BSDC1: variants seen among roughly 807,000 people sequenced by gnomAD.
The protein encoded by BSDC1 is BSD domain-containing protein 1.
A neutral mutation model predicts 56.0 loss-of-function variants in BSDC1; 29 were observed. The ratio of observed to expected loss-of-function variants is 0.52; its 90% CI spans 0.39 to 0.71. BSDC1 has a LOEUF of 0.71. BSDC1 is among the 30% of genes least tolerant of loss of function. The probability of loss-of-function intolerance (pLI) is 0.00; values close to 1 mark genes in which losing one functional copy is unlikely to be tolerated. For missense variants in BSDC1, 477 were observed against 548.5 expected, an observed-to-expected ratio of 0.87 and a Z score of 1.30; for synonymous variants, 210 against 215.3, an observed-to-expected ratio of 0.98 and a Z score of 0.21.
In BSDC1 at chr1:32,369,101, C is replaced by T. The variant is rs760952853; in HGVS notation, c.1157-551G>A. On this transcript the variant is annotated intron_variant, in intron 9 of 10. Coordinates refer to ENST00000455895, the MANE Select transcript of BSDC1 (RefSeq NM_018045.8). Reference sequence around the variant, plus strand: ...TGTCATAGTGATGGAAACCTAGAAACAATCTGAAAGCCCACTGACAGGGAA... The same window carrying T: ...TGTCATAGTGATGGAAACCTAGAAATAATCTGAAAGCCCACTGACAGGGAA... The T allele has an allele frequency of 7.6e-6, 3 of 395,294 alleles. No homozygotes were observed. The Admixed American group carries it at 1.2e-4, about 15-fold the overall frequency. The allele number at this position is 395,294 out of a possible 1,614,324, so 24.5% of individuals were successfully genotyped here.
chr1:32,368,558 C>T lies in BSDC1; in HGVS notation c.1157-8G>A. 1.2e-6 allele frequency: 2 copies of T among 1,614,078 alleles called. No individual in the cohort carries two copies. Among genetic ancestry groups the T allele is most frequent in the Admixed American group, 1.7e-5 (1 of 60,016 alleles). ...TGATGTCCGTGCTTGAGCCTGGAAC[C>T]ACGAGCCACAGTGTGAAAAGCAGGA... On this transcript the variant is annotated splice_polypyrimidine_tract_variant and splice_region_variant and intron_variant, in intron 9 of 10. Coordinates refer to ENST00000455895, the MANE Select transcript of BSDC1 (RefSeq NM_018045.8).
intron 9 of BSDC1, among the ~76,000 whole-genome samples, chr1:32,370,718 C>T (rs544208263): frequency 8.1e-4 from 118 of 145,604 alleles, no homozygotes; most frequent in African/African-American, 3.0e-3. Flanking sequence ...GCAGAAGAAT[C>T]GCTTGAACCC....
At position 32,366,480 on chromosome 1, in the gene BSDC1, AG is replaced by A. The variant is rs1365096073; in HGVS notation, c.*141del. The stretch of plus-strand genomic sequence containing the variant: ...TGAGCAGAGGCCCAAGAGGGCCAGC[AG>A]GGAGCCACCAGAATCTGTGCCCAGA... On this transcript the variant is annotated 3_prime_UTR_variant, in exon 11 of 11. Coordinates refer to ENST00000455895, the MANE Select transcript of BSDC1 (RefSeq NM_018045.8). 1.2e-6 allele frequency: 1 copy of A among 836,568 alleles called. No individual in the cohort carries two copies. The highest frequency in any genetic ancestry group is 2.0e-6 in the Non-Finnish European group (1 of 495,280). The allele number at this position is 836,568 out of a possible 1,614,324, so 51.8% of individuals were successfully genotyped here.
At chr1:32,383,640 G>C (rs1642564077) in intron 4 of BSDC1, among the ~76,000 whole-genome samples, 190 bp downstream of exon 4, 1 of 152,138 alleles carries the variant, frequency 6.6e-6, no homozygotes, top group South Asian at 2.1e-4. Context: ...GGTTCTCTTT[G>C]GGTGATGCAA....
intron 5 of BSDC1, 39 bp downstream of exon 5, chr1:32,381,175 T>C (rs1642465992): frequency 1.2e-6 from 2 of 1,610,462 alleles, no homozygotes; most frequent in African/African-American, 1.3e-5. Flanking sequence ...CTTAGTCTAC[T>C]TGCCCTACAA....
At chr1:32,375,224 G>A (rs971608743) in intron 9 of BSDC1, among the ~76,000 whole-genome samples, 8 of 152,058 alleles carry the variant, frequency 5.3e-5, no homozygotes, top group Non-Finnish European at 1.2e-4. Flanking sequence ...GGAGACACTG[G>A]GTTGGAGACT....
rs751371743 is a variant in BSDC1 at position 32,383,979 on chromosome 1, C to T, written c.208G>A (p.Ala70Thr). 3.1e-6 allele frequency: 5 copies of T among 1,613,120 alleles called. No homozygotes were observed. The highest frequency in any genetic ancestry group is 2.2e-5 in the East Asian group (1 of 44,898). ...EKLATEGSSG[A>T]TEKMKKGLSD... The stretch of plus-strand genomic sequence containing the variant: ...AACCCTTTCTTCATCTTCTCTGTTG[C>T]TCCTGAGGAGCCTTCCGTCTGTATA... The change falls in exon 4 of 11, where the codon GCA becomes ACA. Residue 70 changes from alanine to threonine, a missense_variant. Physicochemically the swap from Ala to Thr is moderately conservative, Grantham distance 58. Transcript: ENST00000455895.
intron 9 of BSDC1, among the ~76,000 whole-genome samples, chr1:32,374,087 G>A (rs185199717): frequency 6.6e-6 from 1 of 152,244 alleles, no homozygotes; most frequent in East Asian, 1.9e-4. Flanking sequence ...TATTTACTGG[G>A]TGGGTCACTG....
At chr1:32,391,561 G>A (rs1483691631) in intron 2 of BSDC1, among the ~76,000 whole-genome samples, 1 of 136,682 alleles carries the variant, frequency 7.3e-6, no homozygotes, top group Admixed American at 6.8e-5. Context: ...CTTCTTTCTG[G>A]TAAGTATGTA....
At chr1:32,369,690 T>C (rs929732394) in intron 9 of BSDC1, among the ~76,000 whole-genome samples, 1 of 152,080 alleles carries the variant, frequency 6.6e-6, no homozygotes, top group East Asian at 1.9e-4. Context: ...AAGACCAACT[T>C]TTCACCTCCT....
At chr1:32,384,661 G>C (rs562936963) in intron 3 of BSDC1, among the ~76,000 whole-genome samples, 33 of 152,232 alleles carry the variant, frequency 2.2e-4, no homozygotes, top group Non-Finnish European at 4.4e-4. Flanking sequence ...CCTTGCCTGG[G>C]ACCAACTGAG....
At position 32,378,945 on chromosome 1, in the gene BSDC1, G is replaced by T; in HGVS notation, c.413-106C>A. On this transcript the variant is annotated intron_variant, in intron 5 of 10. Coordinates refer to ENST00000455895, the MANE Select transcript of BSDC1 (RefSeq NM_018045.8). This position sits in a 1 kb window ranked among gnomAD's most constrained non-coding sequence, Gnocchi z 5.2. ...GACATGGAAAATGAAGAAAGCTTGT[G>T]TATTCAAAGCCACTTAGCCAAGGGT... 1.2e-6 allele frequency: 1 copy of T among 803,686 alleles called. No individual in the cohort carries two copies. Among genetic ancestry groups the T allele is most frequent in the Non-Finnish European group, 1.8e-6 (1 of 558,082 alleles). 49.8% of individuals were successfully genotyped at this position (803,686 alleles called of 1,614,324 possible). A position where few individuals can be genotyped will look rare whatever the true frequency, so the allele number is the denominator to read the frequency against.
chr1:32,366,374 G>A lies in BSDC1; in HGVS notation c.*248C>T. 1.5e-6 allele frequency: 1 copy of A among 688,472 alleles called. No individual in the cohort carries two copies. Among genetic ancestry groups the A allele is most frequent in the Non-Finnish European group, 2.7e-6 (1 of 376,922 alleles). 42.6% of individuals were successfully genotyped at this position (688,472 alleles called of 1,614,324 possible). A position where few individuals can be genotyped will look rare whatever the true frequency, so the allele number is the denominator to read the frequency against. On this transcript the variant is annotated 3_prime_UTR_variant, in exon 11 of 11. Coordinates refer to ENST00000455895, the MANE Select transcript of BSDC1 (RefSeq NM_018045.8). ...ACAGGCTCTTCTGGTGAGGAGGATA[G>A]GTTTCCTCTCCCTTGGGTCATCCTA...
chr1:32,381,181 T>C (rs371089593), intron 5 of BSDC1, 33 bp downstream of exon 5: 32 of 1,612,286 alleles, frequency 2.0e-5, no homozygotes, highest in Non-Finnish European at 2.3e-5. Context: ...CTACTTGCCC[T>C]ACAAGCCCAC....
At position 32,394,131 on chromosome 1, in the gene BSDC1, C is replaced by A. The variant is rs143317728; in HGVS notation, c.21G>T (p.Val7=). 32 of 1,609,370 alleles carry A rather than the reference C, an allele frequency of 2.0e-5. No homozygotes were observed. The highest frequency in any genetic ancestry group is 2.5e-5 in the Non-Finnish European group (29 of 1,177,986). Residue 7 remains valine, a synonymous_variant, in exon 2 of 11, where the codon GTG becomes GTT. Transcript: ENST00000455895. MAEGED[V]GWWRSWLQQS... ...GCTGCAGCCAGCTCCGCCACCATCC[C>A]ACGTCCTCCCTGTGGAAGACAGACA...
Position 32,366,463 on chromosome 1 carries a change from G to A in BSDC1, c.*159C>T. ...GAGCCCCTTCCCAGGTGTGAGCAGA[G>A]GCCCAAGAGGGCCAGCAGGGAGCCA... On this transcript the variant is annotated 3_prime_UTR_variant, in exon 11 of 11. Coordinates refer to ENST00000455895, the MANE Select transcript of BSDC1 (RefSeq NM_018045.8). 2.6e-6 allele frequency: 2 copies of A among 760,044 alleles called. No homozygotes were observed. The highest frequency in any genetic ancestry group is 4.7e-6 in the Non-Finnish European group (2 of 427,314). The allele number at this position is 760,044 out of a possible 1,614,324, so 47.1% of individuals were successfully genotyped here.
In BSDC1 at chr1:32,394,047, TGCTGAGGGAAGAAGGGCACGGGCCCG is replaced by T. The variant is rs1446239599; in HGVS notation, c.72+7_72+32del. 1.9e-6 allele frequency: 3 copies of T among 1,597,916 alleles called. No homozygotes were observed. The African/African-American group carries it at 4.0e-5, about 21-fold the overall frequency. On this transcript the variant is annotated splice_region_variant and intron_variant, in intron 2 of 10. Coordinates refer to ENST00000455895, the MANE Select transcript of BSDC1 (RefSeq NM_018045.8). Reference sequence around the variant, plus strand: ...GTTGCATTGAGGCGGCGCAGGGCCCTGCTGAGGGAAGAAGGGCACGGGCCCGGCTTACCTTCTCTTTGACTGCTTGG... The same window carrying T: ...GTTGCATTGAGGCGGCGCAGGGCCCTGCTTACCTTCTCTTTGACTGCTTGG...
At chr1:32,382,908 C>G (rs1642537516) in intron 4 of BSDC1, among the ~76,000 whole-genome samples, 1 of 148,112 alleles carries the variant, frequency 6.8e-6, no homozygotes. Context: ...AAAGAAAATG[C>G]AGCAAAAATA....
Position 32,365,507 on chromosome 1 carries a change from G to A in BSDC1, c.*1115C>T, listed in dbSNP as rs535956507. ...CAGATTAGGTACAAGAATCACCAGA[G>A]CAGCATCGTGAAGCACCAGGCTCTC... On this transcript the variant is annotated 3_prime_UTR_variant, in exon 11 of 11. Transcript: ENST00000455895. The A allele has an allele frequency of 6.6e-6, 1 of 152,608 alleles. No homozygotes were observed. The highest frequency in any genetic ancestry group is 2.4e-5 in the African/African-American group (1 of 41,428). 9.5% of individuals were successfully genotyped at this position (152,608 alleles called of 1,614,324 possible).
Sources: allele counts gnomAD v4.1 joint callset (sites outside exome capture counted in the v4.1 genomes callset), GRCh38; gene constraint gnomAD v4.1.1; non-coding constraint Gnocchi (gnomAD v3.1); transcripts MANE v1.5; gene names NCBI Gene and HGNC (gene_info 2026-07-23, HGNC 2026-07-21).